Variants in TRPC4 observed in about 807,000 individuals in gnomAD.
TRPC4 encodes the protein transient receptor potential cation channel subfamily C member 4.
A neutral mutation model predicts 99.4 loss-of-function variants in TRPC4; 49 were observed. That is an observed-to-expected ratio of 0.49 (90% CI 0.39 to 0.63). TRPC4 has a LOEUF of 0.63. Ranked by LOEUF, TRPC4 falls within the 20% of genes least tolerant of loss-of-function variation. TRPC4 has a pLI of 0.00. For synonymous variants in TRPC4, 454 were observed against 425.9 expected (o/e 1.07, Z -0.81); for missense variants, 898 against 1,152.9 (o/e 0.78, Z 3.20).
chr13:37,839,874 C>T (rs2139632309), intron 1 of TRPC4, among the ~76,000 whole-genome samples: 1 of 152,204 alleles, frequency 6.6e-6, no homozygotes, highest in Admixed American at 6.5e-5. Context: ...TTATTTTTCT[C>T]AAATGCTGTT....
chr13:37,660,727 T>C (rs986456368), intron 6 of TRPC4, among the ~76,000 whole-genome samples: 1 of 152,202 alleles, frequency 6.6e-6, no homozygotes, highest in Non-Finnish European at 1.5e-5. Flanking sequence ...TATGAATTAG[T>C]GTATTTTTAA....
intron 1 of TRPC4, among the ~76,000 whole-genome samples, chr13:37,806,030 G>A (rs1957521726): frequency 6.6e-6 from 1 of 151,944 alleles, no homozygotes; most frequent in Non-Finnish European, 1.5e-5. Context: ...AGAGAAAGAG[G>A]AGTAAGTTCA....
At chr13:37,674,495 A>G in intron 4 of TRPC4, 128 bp from the exon 5 acceptor site, 2 of 984,808 alleles carry the variant, frequency 2.0e-6, no homozygotes, top group Non-Finnish European at 2.9e-6. Context: ...TGCAACATCT[A>G]TTTTTTACAG....
chr13:37,842,362 AAAAAAAAAGG>A (rs1958764164), intron 1 of TRPC4, among the ~76,000 whole-genome samples: 1 of 144,218 alleles, frequency 6.9e-6, no homozygotes, highest in Non-Finnish European at 1.5e-5. Context: ...AAAAAAAAAA[AAAAAAAAAGG>A]AAAAGGAAAA....
At chr13:37,810,534 T>C (rs9548055) in intron 1 of TRPC4, among the ~76,000 whole-genome samples, 2 of 152,080 alleles carry the variant, frequency 1.3e-5, no homozygotes, top group East Asian at 1.9e-4. Flanking sequence ...TTCTCATGTG[T>C]GGCAGGATGG....
intron 1 of TRPC4, among the ~76,000 whole-genome samples, chr13:37,816,098 A>G (rs1038918908): frequency 6.6e-6 from 1 of 150,834 alleles, no homozygotes; most frequent in Admixed American, 6.6e-5. Context: ...TGGGACACAG[A>G]TAAAACACTG....
At chr13:37,663,316 A>C in intron 6 of TRPC4, 100 bp downstream of exon 6, 3 of 1,200,936 alleles carry the variant, frequency 2.5e-6, no homozygotes, top group Non-Finnish European at 3.4e-6. Context: ...TTAGTTCCCC[A>C]TTTTCTTTAC....
chr13:37,760,267 T>A (rs1371142423), intron 2 of TRPC4, among the ~76,000 whole-genome samples: 1 of 151,960 alleles, frequency 6.6e-6, no homozygotes, highest in Non-Finnish European at 1.5e-5. Flanking sequence ...CTTCCCATGG[T>A]CTGAGCATTT....
At chr13:37,742,595 C>T (rs73168467) in intron 3 of TRPC4, among the ~76,000 whole-genome samples, 6,527 of 152,078 alleles carry the variant, frequency 0.043, 199 homozygotes, top group African/African-American at 0.07. Context: ...AATGCTCCTG[C>T]GGTGAGACAA....
chr13:37,744,029 C>G (rs1033550552), intron 3 of TRPC4, among the ~76,000 whole-genome samples: 3 of 152,178 alleles, frequency 2.0e-5, no homozygotes, highest in Non-Finnish European at 2.9e-5. Flanking sequence ...TCTGCATTCT[C>G]TGTTTCATTT....
intron 7 of TRPC4, among the ~76,000 whole-genome samples, chr13:37,653,731 A>G (rs1382166171): frequency 1.3e-5 from 2 of 152,136 alleles, no homozygotes; most frequent in Non-Finnish European, 2.9e-5. Flanking sequence ...AATATTCTTA[A>G]ATAGTGTTTT....
intron 3 of TRPC4, among the ~76,000 whole-genome samples, chr13:37,697,058 C>G (rs181258492): frequency 6.6e-6 from 1 of 152,114 alleles, no homozygotes; most frequent in East Asian, 1.9e-4. Context: ...TCTGGCCCCT[C>G]TGAGCATAGT....
chr13:37,750,347 T>A (rs1955899708), intron 2 of TRPC4, among the ~76,000 whole-genome samples: 1 of 152,066 alleles, frequency 6.6e-6, no homozygotes, highest in Admixed American at 6.6e-5. Flanking sequence ...AGGTACAGAG[T>A]TTTTGTGTCA....
intron 1 of TRPC4, among the ~76,000 whole-genome samples, chr13:37,856,890 T>C (rs752771133): frequency 1.3e-5 from 2 of 151,598 alleles, no homozygotes; most frequent in African/African-American, 2.4e-5. Context: ...AGAAACAATA[T>C]ACCTTCACAT....
At chr13:37,765,927 G>A (rs1276012966) in intron 2 of TRPC4, among the ~76,000 whole-genome samples, 1 of 150,814 alleles carries the variant, frequency 6.6e-6, no homozygotes, top group Non-Finnish European at 1.5e-5. Context: ...AGTTTACTTT[G>A]AAATAAAAAC....
chr13:37,772,650 A>T (rs1056758752), intron 2 of TRPC4, among the ~76,000 whole-genome samples: 1 of 151,814 alleles, frequency 6.6e-6, no homozygotes, highest in African/African-American at 2.4e-5. Context: ...TAATGGTAGT[A>T]AAGAAGAGGG....
intron 3 of TRPC4, among the ~76,000 whole-genome samples, chr13:37,721,957 C>T (rs1160331325): frequency 6.6e-6 from 1 of 151,944 alleles, no homozygotes. Context: ...TTCATCCCTC[C>T]TCAGGCACAA....
At chr13:37,685,985 A>C (rs1953460147) in intron 4 of TRPC4, among the ~76,000 whole-genome samples, 1 of 152,144 alleles carries the variant, frequency 6.6e-6, no homozygotes, top group East Asian at 1.9e-4. Flanking sequence ...ATTTCCTCAA[A>C]AATTAAAATA....
intron 3 of TRPC4, among the ~76,000 whole-genome samples, chr13:37,719,109 A>G (rs900433330): frequency 6.6e-6 from 1 of 152,170 alleles, no homozygotes; most frequent in African/African-American, 2.4e-5. Flanking sequence ...TAGAGCCCAG[A>G]AGGGAATGGG....
Sources: gnomAD v4.1 joint callset for allele counts (sites outside exome capture counted in the v4.1 genomes callset) on GRCh38, gnomAD v4.1.1 for gene constraint, MANE v1.5 for transcripts, NCBI Gene and HGNC (gene_info 2026-07-23, HGNC 2026-07-21) for gene names.